Variants in MEI4 observed in about 807,000 individuals in gnomAD.
MEI4 encodes the protein meiotic double-stranded break formation protein 4, also known as meiosis-specific protein MEI4.
In MEI4, 27 loss-of-function variants were observed where a neutral mutation model predicts 31.4. The observed-to-expected ratio is 0.86, with a 90% CI of 0.63 to 1.19. The LOEUF (loss-of-function observed/expected upper bound fraction) is 1.19, where lower values mean the gene tolerates loss of function less well. Among genes scored for constraint, MEI4 ranks in the 50% most tolerant of loss-of-function variants. The pLI is 0.00. For synonymous variants in MEI4, 122 were observed against 145.4 expected (o/e 0.84, Z 1.16); for missense variants, 329 against 398.9 (o/e 0.82, Z 1.49).
rs970782551 is a variant in MEI4, at chr6:77,690,585, C to A, written c.-14-73C>A. ...ATTAATTAATGTTACTCTGCAAAAT[C>A]AATTTTAAGCAAATGAAATGCACTG... is the stretch of plus-strand genomic sequence containing the variant. On this transcript the variant is annotated intron_variant, in intron 1 of 4. Transcript: ENST00000684080. 34 of 667,174 alleles carry A rather than the reference C, an allele frequency of 5.1e-5. No homozygotes were observed. The East Asian group carries it at 1.1e-3, about 22-fold the overall frequency. 41.3% of individuals were successfully genotyped at this position (667,174 alleles called of 1,614,324 possible).
chr6:77,655,500 C>T (rs939344632), intron 1 of MEI4, among the ~76,000 whole-genome samples: 1 of 152,136 alleles, frequency 6.6e-6, no homozygotes, highest in Non-Finnish European at 1.5e-5. Context: ...ATACTTCCTC[C>T]TCTGCTGTTT....
intron 3 of MEI4, among the ~76,000 whole-genome samples, chr6:77,798,929 T>C (rs9448218): frequency 5.3e-5 from 8 of 151,448 alleles, no homozygotes; most frequent in South Asian, 2.1e-4. Context: ...TCTTTGCTAT[T>C]GTGAATAATG....
rs546557730 is a variant in MEI4, at chr6:77,798,402, C to T, written c.769-30529C>T. Among the ~76,000 whole-genome samples the T allele has an allele frequency of 3.3e-5, 5 of 151,426 alleles. No homozygotes were observed. The South Asian group carries it at 1.0e-3, about 32-fold the overall frequency. ...AAATAAATATGAAGGAGGAGACATT[C>T]TAATTAAAAGAGATTGTCAAATTGG... On this transcript the variant is annotated intron_variant, in intron 3 of 4. Transcript: ENST00000684080.
chr6:77,829,038 T>A lies in MEI4; in HGVS notation c.876T>A (p.Ala292=). ...SLLLSEVNGF[A]DDLGAINQEQ... ...TTCTATCAGAAGTAAATGGCTTTGC[T>A]GATGATCTGGGAGCCATCAATCAGG... is the stretch of plus-strand genomic sequence containing the variant. Residue 292 remains alanine, a synonymous_variant, in exon 4 of 5, where the codon GCT becomes GCA. Transcript: ENST00000684080. 2 of 1,231,990 alleles carry A rather than the reference T, an allele frequency of 1.6e-6. No homozygotes were observed. The highest frequency in any genetic ancestry group is 2.0e-6 in the Non-Finnish European group (2 of 987,862). 76.3% of individuals were successfully genotyped at this position (1,231,990 alleles called of 1,614,324 possible). A position where few individuals can be genotyped will look rare whatever the true frequency, so the allele number is the denominator to read the frequency against.
intron 2 of MEI4, 63 bp downstream of exon 2, chr6:77,690,966 AT>A: frequency 1.2e-6 from 1 of 856,558 alleles, no homozygotes; most frequent in Non-Finnish European, 1.5e-6. Flanking sequence ...TTGCACAATT[AT>A]TTAGAAATGT....
intron 2 of MEI4, among the ~76,000 whole-genome samples, chr6:77,708,823 T>A (rs573095805): frequency 1.3e-5 from 2 of 152,332 alleles, no homozygotes; most frequent in South Asian, 4.1e-4. Context: ...TCACCTGCTG[T>A]CATGATTATA....
At chr6:77,741,313 TG>T (rs1767394151) in intron 2 of MEI4, among the ~76,000 whole-genome samples, 1 of 152,256 alleles carries the variant, frequency 6.6e-6, no homozygotes, top group Non-Finnish European at 1.5e-5. Context: ...CTGTAAGGTA[TG>T]GGTAGCCTGT....
intron 4 of MEI4, among the ~76,000 whole-genome samples, chr6:77,850,124 T>C (rs1770580008): frequency 6.6e-6 from 1 of 152,168 alleles, no homozygotes; most frequent in African/African-American, 2.4e-5. Context: ...GGGATTTTTA[T>C]TTCATTGAGC....
rs1487916619 is a variant in MEI4 at position 77,731,486 on chromosome 6, T to C, written c.233-29644T>C. 1.3e-4 allele frequency among the ~76,000 whole-genome samples: 19 copies of C among 151,544 alleles called. No homozygotes were observed. In the East Asian group the frequency reaches 2.3e-3, roughly 19 times the overall value. On this transcript the variant is annotated intron_variant, in intron 2 of 4. Coordinates refer to ENST00000684080, the MANE Select transcript of MEI4 (RefSeq NM_001322247.2). ...TTTTTGATGGGGTTGTTTGTTTTTT[T>C]CTTGTAAATTTATTTGAGTTCATTG...
intron 3 of MEI4, among the ~76,000 whole-genome samples, chr6:77,807,271 A>G (rs1442574715): frequency 6.6e-6 from 1 of 152,076 alleles, no homozygotes; most frequent in Non-Finnish European, 1.5e-5. Flanking sequence ...GGCCTGAAAT[A>G]GGGTGATGGC....
chr6:77,830,510 A>G (rs1770052672), intron 4 of MEI4, among the ~76,000 whole-genome samples: 1 of 152,104 alleles, frequency 6.6e-6, no homozygotes, highest in African/African-American at 2.4e-5. Flanking sequence ...GCCATAATTC[A>G]AACCCAGATG....
intron 3 of MEI4, among the ~76,000 whole-genome samples, chr6:77,806,958 T>C (rs1051451030): frequency 1.3e-5 from 2 of 152,152 alleles, no homozygotes; most frequent in African/African-American, 4.8e-5. Flanking sequence ...CAAAGCCTAA[T>C]ATATTTCGTA....
intron 2 of MEI4, among the ~76,000 whole-genome samples, chr6:77,694,804 T>C (rs1184306952): frequency 1.3e-5 from 2 of 151,558 alleles, no homozygotes; most frequent in Non-Finnish European, 1.5e-5. Context: ...GGTCAAATGG[T>C]ATTTCTAGTT....
rs13203077 is a variant in MEI4 at position 77,883,582 on chromosome 6, A to T, written c.901-39507A>T. 4.0e-5 allele frequency among the ~76,000 whole-genome samples: 6 copies of T among 151,686 alleles called. 1 individual carries two copies. The highest frequency in any genetic ancestry group is 3.3e-4 in the Admixed American group (5 of 15,198). ...CTCTGCCTGGCTTACTTCACATGGC[A>T]CAATGACCTTCAGTTCCATCTGCAG... On this transcript the variant is annotated intron_variant, in intron 4 of 4. Transcript: ENST00000684080.
intron 2 of MEI4, among the ~76,000 whole-genome samples, chr6:77,738,494 G>T (rs886880944): frequency 1.8e-4 from 28 of 152,050 alleles, no homozygotes; most frequent in African/African-American, 6.8e-4. Flanking sequence ...GTCTATCATT[G>T]AGGGGCATTT....
chr6:77,880,431 C>T (rs547821112), intron 4 of MEI4, among the ~76,000 whole-genome samples: 84 of 152,132 alleles, frequency 5.5e-4, no homozygotes, highest in African/African-American at 2.0e-3. Context: ...CGGGGTTTCA[C>T]CGTGTATTGT....
chr6:77,817,390 C>T (rs199921556), intron 3 of MEI4, among the ~76,000 whole-genome samples: 1 of 151,948 alleles, frequency 6.6e-6, no homozygotes, highest in African/African-American at 2.4e-5. Context: ...TCCAGGGTGA[C>T]CTTTGTTGCC....
chr6:77,826,792 A>G (rs1319245436), intron 3 of MEI4, among the ~76,000 whole-genome samples: 1 of 152,172 alleles, frequency 6.6e-6, no homozygotes, highest in Non-Finnish European at 1.5e-5. Context: ...AGCACTGTGT[A>G]ATTGGAAACA....
intron 3 of MEI4, among the ~76,000 whole-genome samples, chr6:77,817,595 T>G (rs916135376): frequency 5.3e-5 from 8 of 152,096 alleles, no homozygotes; most frequent in African/African-American, 1.9e-4. Flanking sequence ...TTAAAACCTA[T>G]TATTATTTCT....
Sources: allele counts gnomAD v4.1 joint callset (sites outside exome capture counted in the v4.1 genomes callset), GRCh38; gene constraint gnomAD v4.1.1; transcripts MANE v1.5; gene names NCBI Gene and HGNC (gene_info 2026-07-23, HGNC 2026-07-21).